The following DIAPH3 variants were observed in gnomAD, a reference collection of about 807,000 sequenced individuals.
The protein encoded by DIAPH3 is diaphanous related formin 3.
A neutral mutation model predicts 144.3 loss-of-function variants in DIAPH3; 117 were observed. The ratio of observed to expected loss-of-function variants is 0.81; its 90% CI spans 0.70 to 0.95. DIAPH3 has a LOEUF of 0.95. DIAPH3 is among the 40% of genes least tolerant of loss of function. The probability of loss-of-function intolerance (pLI) is 0.00; values close to 1 mark genes in which losing one functional copy is unlikely to be tolerated. For missense variants in DIAPH3, 1,421 were observed against 1,412.7 expected (o/e 1.01, Z -0.09); for synonymous variants, 519 against 488.9 (o/e 1.06, Z -0.81).
chr13:59,811,523 G>T (rs1050167716), intron 24 of DIAPH3, among the ~76,000 whole-genome samples: 1 of 152,086 alleles, frequency 6.6e-6, no homozygotes, highest in South Asian at 2.1e-4. Context: ...CGGATCATAA[G>T]GTCAGTAGAT....
At chr13:59,771,823 A>C (rs534661117) in intron 27 of DIAPH3, among the ~76,000 whole-genome samples, 2 of 152,292 alleles carry the variant, frequency 1.3e-5, no homozygotes, top group Non-Finnish European at 2.9e-5. Context: ...TGAGAAGGTT[A>C]AATGGGTAAT....
chr13:59,769,604 C>T (rs1352067371), intron 27 of DIAPH3, among the ~76,000 whole-genome samples: 5 of 151,840 alleles, frequency 3.3e-5, no homozygotes, highest in African/African-American at 7.3e-5. Context: ...CCATAGCAGC[C>T]GATTCATACT....
chr13:59,901,212 A>T (rs1289056257), intron 20 of DIAPH3, among the ~76,000 whole-genome samples: 1 of 152,196 alleles, frequency 6.6e-6, no homozygotes, highest in East Asian at 1.9e-4. Context: ...TAACTCACTA[A>T]CGGCTTTCTT....
At position 59,798,023 on chromosome 13, in the gene DIAPH3, T is replaced by C. The variant is rs192749639; in HGVS notation, c.3163+12765A>G. ...TTAAATTGGAGATGTAAAATCTATGTGTTCTAAAGCTGGTAGGAGCAGCAT... is the reference window on the plus strand; with the variant it reads ...TTAAATTGGAGATGTAAAATCTATGCGTTCTAAAGCTGGTAGGAGCAGCAT... On this transcript the variant is annotated intron_variant, in intron 25 of 27. Coordinates refer to ENST00000400324, the MANE Select transcript of DIAPH3 (RefSeq NM_001042517.2). 3.3e-4 allele frequency among the ~76,000 whole-genome samples: 50 copies of C among 152,270 alleles called. No individual in the cohort carries two copies. In the East Asian group the frequency reaches 8.9e-3, roughly 27 times the overall value.
intron 22 of DIAPH3, among the ~76,000 whole-genome samples, chr13:59,845,617 C>G (rs776638643): frequency 6.6e-6 from 1 of 152,124 alleles, no homozygotes; most frequent in Non-Finnish European, 1.5e-5. Flanking sequence ...CTGCCCATAT[C>G]CCTCTTCATC....
intron 27 of DIAPH3, among the ~76,000 whole-genome samples, chr13:59,674,757 C>T (rs1182938674): frequency 6.6e-6 from 1 of 152,198 alleles, no homozygotes; most frequent in East Asian, 1.9e-4. Context: ...CACTTTCATG[C>T]TCTTCATACT....
chr13:60,161,233 G>GT (rs1952275282), intron 1 of DIAPH3, among the ~76,000 whole-genome samples: 1 of 152,196 alleles, frequency 6.6e-6, no homozygotes, highest in African/African-American at 2.4e-5. Context: ...TTAGGATAAC[G>GT]TCACTTCATC....
At chr13:59,987,229 A>G (rs1346766161) in intron 12 of DIAPH3, among the ~76,000 whole-genome samples, 4 of 151,832 alleles carry the variant, frequency 2.6e-5, no homozygotes, top group Admixed American at 1.3e-4. Flanking sequence ...GCAAGAACGA[A>G]AAACCAAACA....
At chr13:59,697,446 C>A (rs1447176393) in intron 27 of DIAPH3, among the ~76,000 whole-genome samples, 1 of 93,936 alleles carries the variant, frequency 1.1e-5, no homozygotes, top group South Asian at 3.9e-4. Context: ...GGCGACAGAG[C>A]GAGACACTGT....
At chr13:60,049,668 C>T (rs1229084870) in intron 4 of DIAPH3, among the ~76,000 whole-genome samples, 5 of 152,160 alleles carry the variant, frequency 3.3e-5, no homozygotes, top group African/African-American at 1.2e-4. Context: ...TTCATTACTA[C>T]TTATTATTTA....
At chr13:60,091,073 T>C (rs1204275426) in intron 4 of DIAPH3, among the ~76,000 whole-genome samples, 2 of 152,170 alleles carry the variant, frequency 1.3e-5, no homozygotes, top group Non-Finnish European at 2.9e-5. Flanking sequence ...ATGCCAAGGT[T>C]TTCTAAACCA....
At chr13:59,678,254 C>T (rs1055858122) in intron 27 of DIAPH3, among the ~76,000 whole-genome samples, 3 of 151,864 alleles carry the variant, frequency 2.0e-5, no homozygotes, top group African/African-American at 2.4e-5. Context: ...ATTGATGGTA[C>T]CAAGCTTCAT....
chr13:60,016,648 TA>T (rs1351264417), intron 5 of DIAPH3, among the ~76,000 whole-genome samples: 6 of 151,804 alleles, frequency 4.0e-5, no homozygotes, highest in African/African-American at 1.2e-4. Flanking sequence ...AAAAATTAAT[TA>T]AAAAAAAGAG....
intron 20 of DIAPH3, among the ~76,000 whole-genome samples, chr13:59,883,835 A>C (rs2045253516): frequency 6.6e-6 from 1 of 152,174 alleles, no homozygotes; most frequent in South Asian, 2.1e-4. Context: ...AGTAGTTATC[A>C]AGTAACACCC....
At chr13:59,903,169 A>C (rs895170807) in intron 20 of DIAPH3, among the ~76,000 whole-genome samples, 16 of 152,340 alleles carry the variant, frequency 1.1e-4, no homozygotes, top group African/African-American at 3.8e-4. Context: ...TTCTTGAAAA[A>C]AATTATATCA....
At chr13:59,977,846 A>G (rs2050764076) in intron 14 of DIAPH3, among the ~76,000 whole-genome samples, 1 of 151,784 alleles carries the variant, frequency 6.6e-6, no homozygotes, top group South Asian at 2.1e-4. Flanking sequence ...GGGAAAAGAT[A>G]TTTTTAGGGA....
intron 21 of DIAPH3, among the ~76,000 whole-genome samples, chr13:59,871,287 A>G (rs1342391546): frequency 6.6e-6 from 1 of 150,658 alleles, no homozygotes. Flanking sequence ...TATAGCTTTT[A>G]TTTTTCTTGT....
chr13:60,127,724 G>A (rs1412582916), intron 2 of DIAPH3, among the ~76,000 whole-genome samples: 3 of 152,128 alleles, frequency 2.0e-5, no homozygotes, highest in Non-Finnish European at 4.4e-5. Context: ...CAAAAGCCAG[G>A]ATGGGAGAAG....
At chr13:59,929,965 T>A (rs572364038) in intron 17 of DIAPH3, among the ~76,000 whole-genome samples, 1 of 152,298 alleles carries the variant, frequency 6.6e-6, no homozygotes, top group South Asian at 2.1e-4. Flanking sequence ...TAATTGCAAA[T>A]AGATTCTGAG....
Sources: allele counts gnomAD v4.1 joint callset (sites outside exome capture counted in the v4.1 genomes callset), GRCh38; gene constraint gnomAD v4.1.1; transcripts MANE v1.5; gene names NCBI Gene and HGNC (gene_info 2026-07-23, HGNC 2026-07-21).